The following KIF1C variants were observed in gnomAD, a reference collection of about 807,000 sequenced individuals.
The protein encoded by KIF1C is kinesin-like protein KIF1C.
A neutral mutation model predicts 126.5 loss-of-function variants in KIF1C; 61 were observed. The observed-to-expected ratio is 0.48, with a 90% CI of 0.39 to 0.60. The LOEUF (loss-of-function observed/expected upper bound fraction) is 0.60, where lower values mean the gene tolerates loss of function less well. Among genes scored for constraint, KIF1C ranks in the 20% least tolerant of loss-of-function variants. The pLI, the probability that KIF1C is intolerant of heterozygous loss-of-function variation, is 0.00. For synonymous variants in KIF1C, 640 were observed against 580.6 expected (o/e 1.10, Z -1.47); for missense variants, 1,315 against 1,489.2 (o/e 0.88, Z 1.93).
intron 17 of KIF1C, chr17:5,014,418 C>G (rs1228174669): frequency 3.5e-6 from 1 of 285,720 alleles, no homozygotes; most frequent in Non-Finnish European, 6.7e-6. Context: ...CTGGTGGTCC[C>G]TGGAGATAAC....
Position 5,013,748 on chromosome 17 carries a change from C to A in KIF1C, c.1571+16C>A. The stretch of plus-strand genomic sequence containing the variant: ...GCGTCACCAGGTAGCGTGTACCCAG[C>A]GGCCTGGGGGGCAGCCTCTGCTTTT... On this transcript the variant is annotated intron_variant, in intron 17 of 22. Transcript: ENST00000320785. 6.2e-7 allele frequency: 1 copy of A among 1,606,442 alleles called. No individual in the cohort carries two copies. The highest frequency in any genetic ancestry group is 8.5e-7 in the Non-Finnish European group (1 of 1,173,790).
chr17:5,001,482 G>A (rs2143309269), intron 5 of KIF1C, 81 bp downstream of exon 5: 2 of 1,379,776 alleles, frequency 1.4e-6, no homozygotes, highest in East Asian at 2.4e-5. Flanking sequence ...AGGGTCGGAG[G>A]ATTATGGAAC....
In KIF1C at chr17:5,014,790, G is replaced by C; in HGVS notation, c.1619G>C (p.Arg540Pro). ...ATCAAGCTGACCGGACAGTTCATTC[G>C]GGAGCAACACTGTCTGTTCCGGAGC... ...MDIKLTGQFI[R>P]EQHCLFRSIP... is the part of the protein sequence containing the mutation. Residue 540 changes from arginine (R) to proline (P), a missense_variant, in exon 18 of 23, where the codon CGG (arginine) becomes CCG (proline). Physicochemically the swap from Arg to Pro is moderately radical, Grantham distance 103. This residue lies in a region of KIF1C where 874 missense variants were observed against 1,053.2 expected (regional missense o/e 0.83). Coordinates refer to ENST00000320785, the MANE Select transcript of KIF1C (RefSeq NM_006612.6). 1 of 1,602,530 alleles carries C rather than the reference G, an allele frequency of 6.2e-7. No individual in the cohort carries two copies. The highest frequency in any genetic ancestry group is 8.5e-7 in the Non-Finnish European group (1 of 1,175,040).
In KIF1C at chr17:5,022,025, C is replaced by T. The variant is rs531955212; in HGVS notation, c.2011-67C>T. 12 of 1,510,216 alleles carry T rather than the reference C, an allele frequency of 7.9e-6. No individual in the cohort carries two copies. The Admixed American group carries it at 2.2e-4, about 28-fold the overall frequency. The allele number at this position is 1,510,216 out of a possible 1,614,324, so 93.6% of individuals were successfully genotyped here. A position where few individuals can be genotyped will look rare whatever the true frequency, so the allele number is the denominator to read the frequency against. The stretch of plus-strand genomic sequence containing the variant: ...GTGTTTCCAGTGTACTTAGGACACA[C>T]TGGGCCAAGACACATGGGCTCTGGA... On this transcript the variant is annotated intron_variant, in intron 21 of 22. Transcript: ENST00000320785. The surrounding 1 kb of genome is among the most constrained non-coding windows in gnomAD (Gnocchi z 4.9).
chr17:5,000,399 G>A (rs1290917925), intron 3 of KIF1C, 47 bp downstream of exon 3: 1 of 1,305,982 alleles, frequency 7.7e-7, no homozygotes, highest in Non-Finnish European at 1.1e-6. Flanking sequence ...GGGAAGGCCG[G>A]GCCCACCACA....
rs1180468345 is a variant in KIF1C at position 5,024,153 on chromosome 17, T to A, written c.*2T>A. The A allele has an allele frequency of 4.4e-6, 7 of 1,596,900 alleles. No individual in the cohort carries two copies. Among genetic ancestry groups the A allele is most frequent in the Non-Finnish European group, 6.0e-6 (7 of 1,172,546 alleles). On this transcript the variant is annotated 3_prime_UTR_variant, in exon 23 of 23. Transcript: ENST00000320785. The stretch of plus-strand genomic sequence containing the variant: ...AAGGAGAGTGGGGCAGCTGTGTGAG[T>A]CCCACATCCTGGGCAGAGGGCCTGG...
rs73345353 is a variant in KIF1C, at chr17:5,021,901, G to A, written c.2011-191G>A. On this transcript the variant is annotated intron_variant, in intron 21 of 22. Transcript: ENST00000320785. ...CACGTGGATCTGGGAGGTAGATCCC[G>A]TCACTATCTCTGTTGTCTAGAAGAG... 0.034 allele frequency among the ~76,000 whole-genome samples: 5,224 copies of A among 152,216 alleles called. 295 individuals carry two copies. Among genetic ancestry groups the A allele is most frequent in the African/African-American group, 0.12 (4,841 of 41,496 alleles).
At chr17:4,999,084 T>G (rs1974491928) in intron 1 of KIF1C, 1 of 152,150 alleles carries the variant, frequency 6.6e-6, no homozygotes. Context: ...CCCTGAGGGT[T>G]GGTCTGATGG....
At chr17:5,016,863 G>A (rs540808723) in intron 18 of KIF1C, among the ~76,000 whole-genome samples, 4 of 149,090 alleles carry the variant, frequency 2.7e-5, no homozygotes, top group African/African-American at 9.9e-5. Flanking sequence ...CTGAGATTGC[G>A]CCACTGCACT....
Position 5,002,788 on chromosome 17 carries a change from C to T in KIF1C, c.666C>T (p.Thr222=). ...GCAGCCGTTCCCATGCCGTCTTTAC[C>T]ATCGTCTTCACACAGCGCTGCCATG... ...ETSSRSHAVF[T]IVFTQRCHDQ... is the part of the protein sequence containing the mutation. The change falls in exon 8 of 23, where the codon ACC becomes ACT. Residue 222 remains threonine (T), a synonymous_variant. Transcript: ENST00000320785. 1 of 1,614,010 alleles carries T rather than the reference C, an allele frequency of 6.2e-7. No individual in the cohort carries two copies. Among genetic ancestry groups the T allele is most frequent in the Non-Finnish European group, 8.5e-7 (1 of 1,179,982 alleles).
Position 5,000,830 on chromosome 17 carries a change from C to T in KIF1C, c.165C>T (p.Ser55=). The part of the protein sequence containing the change: ...DAPKSFTFDY[S]YWSHTSTEDP... ...CCAAAAGCTTCACCTTTGACTACTC[C>T]TACTGGTCACACACTTCGGTGGGTT... Residue 55 remains serine, a synonymous_variant, in exon 4 of 23, where the codon TCC becomes TCT. Transcript: ENST00000320785. 6.2e-7 allele frequency: 1 copy of T among 1,614,026 alleles called. No individual in the cohort carries two copies. The highest frequency in any genetic ancestry group is 8.5e-7 in the Non-Finnish European group (1 of 1,179,948).
At position 5,007,360 on chromosome 17, in the gene KIF1C, T is replaced by C; in HGVS notation, c.1415+18T>C. The C allele has an allele frequency of 1.9e-6, 3 of 1,612,986 alleles. No individual in the cohort carries two copies. Among genetic ancestry groups the C allele is most frequent in the Non-Finnish European group, 2.5e-6 (3 of 1,179,224 alleles). On this transcript the variant is annotated intron_variant, in intron 15 of 22. Transcript: ENST00000320785. The stretch of plus-strand genomic sequence containing the variant: ...ATGGAGAGGTGTGAGGGCCGACAGT[T>C]GGGGTCCTGGGTGGAGTTGGAGGCC...
chr17:5,006,821 G>C (rs1001332709), intron 13 of KIF1C, 94 bp from the exon 14 acceptor site: 2 of 1,308,064 alleles, frequency 1.5e-6, no homozygotes, highest in African/African-American at 1.5e-5. Flanking sequence ...AGTCCTTACA[G>C]ACTGGTCCTC....
intron 16 of KIF1C, among the ~76,000 whole-genome samples, chr17:5,013,103 C>T (rs1974901896): frequency 6.6e-6 from 1 of 152,122 alleles, no homozygotes. Flanking sequence ...GTTGAAGTGA[C>T]ACTTTTTATT....
rs1474736291 is a variant in KIF1C at position 5,000,663 on chromosome 17, C to T, written c.107-109C>T. The T allele has an allele frequency of 1.0e-5, 10 of 991,310 alleles. No individual in the cohort carries two copies. In the Admixed American group the frequency reaches 1.8e-4, roughly 18 times the overall value. The allele number at this position is 991,310 out of a possible 1,614,324, so 61.4% of individuals were successfully genotyped here. A position where few individuals can be genotyped will look rare whatever the true frequency, so the allele number is the denominator to read the frequency against. On this transcript the variant is annotated intron_variant, in intron 3 of 22. Coordinates refer to ENST00000320785, the MANE Select transcript of KIF1C (RefSeq NM_006612.6). ...GTTAAAGGGGAGAGAAGAGTCAGGA[C>T]AGTGGTGAGGAGTGGGATGCTTGGA...
intron 11 of KIF1C, 149 bp from the exon 12 acceptor site, chr17:5,004,418 A>C: frequency 5.5e-6 from 4 of 723,122 alleles, no homozygotes; most frequent in East Asian, 2.5e-5. Context: ...ACCAGATGTC[A>C]TGGTTAGCTC....
intron 17 of KIF1C, 150 bp from the exon 18 acceptor site, chr17:5,014,593 G>A: frequency 1.5e-6 from 1 of 652,992 alleles, no homozygotes; most frequent in Non-Finnish European, 2.8e-6. Context: ...ATGAACCCGG[G>A]CAAGCCATTT....
At chr17:5,007,584 G>C in intron 16 of KIF1C, 42 bp downstream of exon 16, 1 of 1,487,682 alleles carries the variant, frequency 6.7e-7, no homozygotes, top group Non-Finnish European at 9.0e-7. Flanking sequence ...GAGCTCTCTG[G>C]ATGCCTAGAA....
At chr17:5,007,391 G>C in intron 15 of KIF1C, 49 bp downstream of exon 15, 1 of 1,610,314 alleles carries the variant, frequency 6.2e-7, no homozygotes, top group Admixed American at 1.7e-5. Context: ...AGGCCATGGG[G>C]GAGGTCAGGC....
Sources: allele counts gnomAD v4.1 joint callset (sites outside exome capture counted in the v4.1 genomes callset), GRCh38; gene constraint gnomAD v4.1.1; regional missense constraint gnomAD v4.1.1; non-coding constraint Gnocchi (gnomAD v3.1); transcripts MANE v1.5; gene names NCBI Gene and HGNC (gene_info 2026-07-23, HGNC 2026-07-21).